The following CSNK1E variants were observed in gnomAD, a reference collection of about 807,000 sequenced individuals.
CSNK1E encodes the protein casein kinase I isoform epsilon.
A neutral mutation model predicts 46.1 loss-of-function variants in CSNK1E; 17 were observed. The observed-to-expected ratio is 0.37, with a 90% CI of 0.25 to 0.55. The LOEUF is 0.55. CSNK1E is among the 20% of genes least tolerant of loss of function. The probability of loss-of-function intolerance (pLI) is 0.82; values close to 1 mark genes in which losing one functional copy is unlikely to be tolerated. For missense variants in CSNK1E, 386 were observed against 595.4 expected, an observed-to-expected ratio of 0.65 and a Z score of 3.66; for synonymous variants, 241 against 242.6, an observed-to-expected ratio of 0.99 and a Z score of 0.06.
intron 2 of CSNK1E, among the ~76,000 whole-genome samples, chr22:38,308,446 G>A (rs959557459): frequency 6.6e-6 from 1 of 152,036 alleles, no homozygotes; most frequent in African/African-American, 2.4e-5. Flanking sequence ...TGAAGTGTGA[G>A]TTTCAGAGCC....
chr22:38,297,129 A>G (rs757450268), intron 7 of CSNK1E: 4 of 778,900 alleles, frequency 5.1e-6, no homozygotes, highest in African/African-American at 1.7e-5. Context: ...CATGTGGCCA[A>G]TGGCTACCAT....
At chr22:38,293,212 A>G (rs2092620660) in intron 10 of CSNK1E, 43 bp downstream of exon 10, 1 of 1,522,432 alleles carries the variant, frequency 6.6e-7, no homozygotes, top group South Asian at 1.1e-5. Flanking sequence ...GGGAGCTTCT[A>G]GGTCGGCTGG....
chr22:38,313,140 A>G (rs2092728327), intron 2 of CSNK1E, among the ~76,000 whole-genome samples: 1 of 152,174 alleles, frequency 6.6e-6, no homozygotes, highest in African/African-American at 2.4e-5. Context: ...GGGGTAACAG[A>G]AACCCCGAAG....
intron 1 of CSNK1E, among the ~76,000 whole-genome samples, chr22:38,315,550 G>A (rs968812832): frequency 1.3e-5 from 2 of 151,940 alleles, no homozygotes; most frequent in African/African-American, 4.8e-5. Context: ...CACATCCCAC[G>A]TACACACACG....
In CSNK1E at chr22:38,294,055, G is replaced by C. The variant is rs977784586; in HGVS notation, c.1218+54C>G. On this transcript the variant is annotated intron_variant, in intron 9 of 10. Coordinates refer to ENST00000396832, the MANE Select transcript of CSNK1E (RefSeq NM_152221.3). The surrounding 1 kb of genome is among the most constrained non-coding windows in gnomAD (Gnocchi z 5.5). ...GAGCCACGGCCTGACCTCCCACTGG[G>C]GGGTCTCTAACTCAGTTCTGAGGCC... 1.9e-6 allele frequency: 3 copies of C among 1,577,176 alleles called. No individual in the cohort carries two copies. Among genetic ancestry groups the C allele is most frequent in the Non-Finnish European group, 1.7e-6 (2 of 1,163,080 alleles).
At chr22:38,305,824 G>C (rs1045208059) in intron 2 of CSNK1E, among the ~76,000 whole-genome samples, 7 of 152,030 alleles carry the variant, frequency 4.6e-5, no homozygotes, top group South Asian at 2.1e-4. Flanking sequence ...CCTCCCAGGT[G>C]GTGGAGGCGT....
At chr22:38,313,934 T>G (rs2092732190) in intron 2 of CSNK1E, 148 bp downstream of exon 2, 1 of 706,880 alleles carries the variant, frequency 1.4e-6, no homozygotes. Context: ...GGCAACCTGC[T>G]GCTTCCTTCC....
At chr22:38,296,783 G>A in intron 7 of CSNK1E, 1 of 1,461,982 alleles carries the variant, frequency 6.8e-7, no homozygotes, top group South Asian at 1.3e-5. Context: ...TCTGGATGAA[G>A]GAAATGGTCC....
chr22:38,304,817 T>C (rs1461925590), intron 2 of CSNK1E, among the ~76,000 whole-genome samples: 1 of 151,852 alleles, frequency 6.6e-6, no homozygotes, highest in African/African-American at 2.4e-5. Flanking sequence ...ACGACACGAG[T>C]GCACCTTGAA....
intron 1 of CSNK1E, chr22:38,316,728 G>C (rs1336866170): frequency 6.6e-6 from 1 of 152,164 alleles, no homozygotes; most frequent in Admixed American, 6.5e-5. Flanking sequence ...CCCAGGTCCG[G>C]GCGCCGGGGC....
rs1054661004 is a variant in CSNK1E, at chr22:38,308,151, T to C, written c.77-4903A>G. ...ACAGAAATAGAATCAAACAGAATCA[T>C]ACAACGTGATTTTTTGTGACTGGCT... On this transcript the variant is annotated intron_variant, in intron 2 of 10. Coordinates refer to ENST00000396832, the MANE Select transcript of CSNK1E (RefSeq NM_152221.3). Among the ~76,000 whole-genome samples the C allele has an allele frequency of 1.7e-4, 26 of 152,370 alleles. No homozygotes were observed. The East Asian group carries it at 3.3e-3, about 19-fold the overall frequency.
At chr22:38,306,470 C>T (rs1244978536) in intron 2 of CSNK1E, among the ~76,000 whole-genome samples, 3 of 152,208 alleles carry the variant, frequency 2.0e-5, no homozygotes, top group South Asian at 2.1e-4. Flanking sequence ...CGGTGGCTCA[C>T]GCCTGTAATC....
intron 2 of CSNK1E, among the ~76,000 whole-genome samples, chr22:38,304,210 C>A (rs1190876918): frequency 1.3e-5 from 2 of 152,090 alleles, no homozygotes; most frequent in African/African-American, 2.4e-5. Context: ...CAGGCCAGAA[C>A]AACCCCCAGG....
At chr22:38,312,177 C>T (rs142543580) in intron 2 of CSNK1E, among the ~76,000 whole-genome samples, 376 of 152,326 alleles carry the variant, frequency 2.5e-3, no homozygotes, top group Non-Finnish European at 4.3e-3. Context: ...TAGCCTCAAC[C>T]TCCATGGCTC....
chr22:38,296,186 C>T lies in CSNK1E; in HGVS notation c.886-1652G>A, dbSNP rs578134220. On this transcript the variant is annotated intron_variant, in intron 7 of 10. Transcript: ENST00000396832. The stretch of plus-strand genomic sequence containing the variant: ...CCATGGTCCCATCCAACCCATAGGA[C>T]GCAAGAAACACACAGCAGGGAGCTC... 2.1e-4 allele frequency: 217 copies of T among 1,016,674 alleles called. 1 individual carries two copies. In the South Asian group the frequency reaches 7.2e-3, roughly 34 times the overall value. 63.0% of individuals were successfully genotyped at this position (1,016,674 alleles called of 1,614,324 possible). A position where few individuals can be genotyped will look rare whatever the true frequency, so the allele number is the denominator to read the frequency against.
intron 1 of CSNK1E, among the ~76,000 whole-genome samples, chr22:38,315,150 G>A (rs1456339969): frequency 1.3e-5 from 2 of 152,326 alleles, no homozygotes; most frequent in East Asian, 1.9e-4. Flanking sequence ...GTACAGCCTC[G>A]CCGAGGACAG....
intron 1 of CSNK1E, among the ~76,000 whole-genome samples, chr22:38,315,328 C>A (rs1322495892): frequency 6.6e-6 from 1 of 152,254 alleles, no homozygotes; most frequent in African/African-American, 2.4e-5. Context: ...GGACAGTGGG[C>A]AGATCCCAGG....
At chr22:38,304,624 A>G (rs1029919948) in intron 2 of CSNK1E, among the ~76,000 whole-genome samples, 1 of 152,182 alleles carries the variant, frequency 6.6e-6, no homozygotes, top group East Asian at 1.9e-4. Context: ...CCCAGGCGGC[A>G]GTGAAGAGGA....
chr22:38,291,202 C>A lies in CSNK1E; in HGVS notation c.*769G>T, dbSNP rs1477392440. ...GGGGGGACCGGTGGCAGCGAGGACCCTCTGAGCTCTGAGGGATGCGGAGGT... is the reference window on the plus strand; with the variant it reads ...GGGGGGACCGGTGGCAGCGAGGACCATCTGAGCTCTGAGGGATGCGGAGGT... On this transcript the variant is annotated 3_prime_UTR_variant, in exon 11 of 11. Transcript: ENST00000396832. 6.6e-6 allele frequency: 1 copy of A among 152,282 alleles called. No individual in the cohort carries two copies. The allele number at this position is 152,282 out of a possible 1,614,324, so 9.4% of individuals were successfully genotyped here. A position where few individuals can be genotyped will look rare whatever the true frequency, so the allele number is the denominator to read the frequency against.
Sources: gnomAD v4.1 joint callset for allele counts (sites outside exome capture counted in the v4.1 genomes callset) on GRCh38, gnomAD v4.1.1 for gene constraint, Gnocchi (gnomAD v3.1) non-coding constraint, MANE v1.5 for transcripts, NCBI Gene and HGNC (gene_info 2026-07-23, HGNC 2026-07-21) for gene names.